The following GPR158 variants were observed in gnomAD, a reference collection of about 807,000 sequenced individuals.
The protein encoded by GPR158 is G protein-coupled receptor 158, also known as metabotropic glycine receptor.
A neutral mutation model predicts 78.2 loss-of-function variants in GPR158; 30 were observed. The observed-to-expected ratio is 0.38, with a 90% confidence interval of 0.29 to 0.52. The LOEUF (loss-of-function observed/expected upper bound fraction) is 0.52, where lower values mean the gene tolerates loss of function less well. Ranked by LOEUF, GPR158 falls within the 20% of genes least tolerant of loss-of-function variation. The pLI, the probability that GPR158 is intolerant of heterozygous loss-of-function variation, is 0.83. For synonymous variants in GPR158, 581 were observed against 591.1 expected (o/e 0.98, Z 0.25); for missense variants, 1,463 against 1,523.5 (o/e 0.96, Z 0.66).
At chr10:25,447,662 A>ATT (rs1835155345) in intron 4 of GPR158, among the ~76,000 whole-genome samples, 1 of 151,704 alleles carries the variant, frequency 6.6e-6, no homozygotes, top group Non-Finnish European at 1.5e-5. Flanking sequence ...ATGTGGGATT[A>ATT]TTTGCTAGTT....
intron 4 of GPR158, among the ~76,000 whole-genome samples, chr10:25,463,418 G>A (rs1400033223): frequency 1.4e-4 from 21 of 151,894 alleles, no homozygotes; most frequent in Admixed American, 1.2e-3. Flanking sequence ...TGGATGGATG[G>A]ATGGATGGAT....
chr10:25,579,009 CA>C (rs1473021364), intron 7 of GPR158, among the ~76,000 whole-genome samples: 13 of 147,542 alleles, frequency 8.8e-5, no homozygotes, highest in African/African-American at 3.1e-4. Context: ...GACTCCGTCT[CA>C]AAAAAAATAA....
At position 25,395,950 on chromosome 10, in the gene GPR158, T is replaced by C; in HGVS notation, c.1048T>C (p.Tyr350His). The C allele has an allele frequency of 6.2e-7, 1 of 1,608,796 alleles. No individual in the cohort carries two copies. The highest frequency in any genetic ancestry group is 8.5e-7 in the Non-Finnish European group (1 of 1,175,220). ...IKGLGFVLGAYECICKAGFYH... is the reference protein window; with the variant it reads ...IKGLGFVLGAHECICKAGFYH... ...AGGCCTAGGATTCGTTCTTGGAGCC[T>C]ATGAGTGCATTTGCAAAGCAGGATT... Residue 350 changes from tyrosine to histidine, a missense_variant, in exon 3 of 11, where the codon TAT (tyrosine) becomes CAT (histidine). Physicochemically the swap from Tyr to His is moderately conservative, Grantham distance 83. Transcript: ENST00000376351.
At chr10:25,302,766 A>G (rs974787921) in intron 2 of GPR158, among the ~76,000 whole-genome samples, 1 of 152,194 alleles carries the variant, frequency 6.6e-6, no homozygotes, top group Non-Finnish European at 1.5e-5. Context: ...GCTATCTAAT[A>G]GAACTTTCTG....
chr10:25,188,210 C>A (rs1196614244), intron 1 of GPR158, among the ~76,000 whole-genome samples: 4 of 152,062 alleles, frequency 2.6e-5, no homozygotes, highest in African/African-American at 9.7e-5. Context: ...CATACTGCCC[C>A]AGGTAAATTA....
At chr10:25,578,071 T>G (rs17557638) in intron 7 of GPR158, among the ~76,000 whole-genome samples, 33,088 of 152,166 alleles carry the variant, frequency 0.22, 4,574 homozygotes, top group Non-Finnish European at 0.31. Flanking sequence ...CATACCTTTT[T>G]GAGAATCATC....
Position 25,303,594 on chromosome 10 carries a change from G to A in GPR158, c.1008+82437G>A, listed in dbSNP as rs188931455. On this transcript the variant is annotated intron_variant, in intron 2 of 10. Coordinates refer to ENST00000376351, the MANE Select transcript of GPR158 (RefSeq NM_020752.3). Reference sequence around the variant, plus strand: ...GCGCAAACCGTTAATAAGTTAATATGTGTTATATGAACATTGTCTTTCTTG... The same window carrying A: ...GCGCAAACCGTTAATAAGTTAATATATGTTATATGAACATTGTCTTTCTTG... Among the ~76,000 whole-genome samples, 231 of 152,296 alleles carry A rather than the reference G, an allele frequency of 1.5e-3. 2 individuals carry two copies. Among genetic ancestry groups the A allele is most frequent in the Middle Eastern group, 3.4e-3 (1 of 294 alleles).
At chr10:25,555,521 A>AC (rs1836777307) in intron 6 of GPR158, among the ~76,000 whole-genome samples, 1 of 151,836 alleles carries the variant, frequency 6.6e-6, no homozygotes, top group Non-Finnish European at 1.5e-5. Flanking sequence ...GGTTCACAGA[A>AC]CCCCCCTGCT....
At chr10:25,467,300 C>A (rs1267751465) in intron 5 of GPR158, among the ~76,000 whole-genome samples, 1 of 152,080 alleles carries the variant, frequency 6.6e-6, no homozygotes, top group East Asian at 1.9e-4. Context: ...AGTGGCTGCC[C>A]TTAGAGACAA....
At chr10:25,434,504 C>T (rs980093102) in intron 4 of GPR158, among the ~76,000 whole-genome samples, 1 of 152,040 alleles carries the variant, frequency 6.6e-6, no homozygotes, top group Non-Finnish European at 1.5e-5. Context: ...TCACTAAATC[C>T]CATCAAATGT....
At chr10:25,361,908 T>C (rs539853842) in intron 2 of GPR158, among the ~76,000 whole-genome samples, 5 of 152,010 alleles carry the variant, frequency 3.3e-5, no homozygotes, top group Non-Finnish European at 5.9e-5. Context: ...TTTGCAAATA[T>C]TTTGTCCCAT....
chr10:25,480,430 C>T (rs1055581998), intron 5 of GPR158, among the ~76,000 whole-genome samples: 2 of 152,182 alleles, frequency 1.3e-5, no homozygotes, highest in South Asian at 2.1e-4. Context: ...TGGCTATTAT[C>T]GATTTCCAAA....
intron 2 of GPR158, among the ~76,000 whole-genome samples, chr10:25,327,933 T>C (rs1236919478): frequency 1.3e-5 from 2 of 152,234 alleles, no homozygotes; most frequent in Non-Finnish European, 2.9e-5. Context: ...TTTGTAGACA[T>C]TCGTTATTGA....
At chr10:25,219,012 T>G (rs1853259919) in intron 1 of GPR158, among the ~76,000 whole-genome samples, 1 of 152,176 alleles carries the variant, frequency 6.6e-6, no homozygotes, top group Non-Finnish European at 1.5e-5. Flanking sequence ...AAGCACTCAC[T>G]GAGTATCTAC....
chr10:25,390,055 C>T (rs1441129817), intron 2 of GPR158, among the ~76,000 whole-genome samples: 3 of 152,164 alleles, frequency 2.0e-5, no homozygotes, highest in Non-Finnish European at 2.9e-5. Context: ...TTGTCTGCCA[C>T]CATGTAAGAC....
intron 1 of GPR158, 42 bp from the exon 2 acceptor site, chr10:25,221,010 T>C (rs1416899384): frequency 3.8e-6 from 4 of 1,041,672 alleles, no homozygotes; most frequent in African/African-American, 3.2e-5. Context: ...AAATCATAAA[T>C]GTCCAGATTA....
At chr10:25,590,509 T>C (rs573052476) in intron 8 of GPR158, among the ~76,000 whole-genome samples, 15 of 152,338 alleles carry the variant, frequency 9.8e-5, no homozygotes, top group African/African-American at 2.9e-4. Context: ...TGTCTCCTCC[T>C]GTTGCCAGAG....
chr10:25,585,015 T>G (rs1405210082), intron 7 of GPR158, among the ~76,000 whole-genome samples: 1 of 152,222 alleles, frequency 6.6e-6, no homozygotes, highest in African/African-American at 2.4e-5. Flanking sequence ...TTGGATATTG[T>G]CCAGTGGGAG....
intron 7 of GPR158, 128 bp downstream of exon 7, chr10:25,573,015 A>AGAT: frequency 1.5e-6 from 1 of 662,828 alleles, no homozygotes; most frequent in Non-Finnish European, 2.7e-6. Flanking sequence ...GATTCTGGTA[A>AGAT]GATAACATGG....
Sources: gnomAD v4.1 joint callset for allele counts (sites outside exome capture counted in the v4.1 genomes callset) on GRCh38, gnomAD v4.1.1 for gene constraint, MANE v1.5 for transcripts, NCBI Gene and HGNC (gene_info 2026-07-23, HGNC 2026-07-21) for gene names.